Variants in WWTR1 observed in about 807,000 individuals in gnomAD.
WWTR1 encodes the protein WW domain-containing transcription regulator protein 1.
A neutral mutation model predicts 40.1 loss-of-function variants in WWTR1; 13 were observed. That is an observed-to-expected ratio of 0.32 (90% CI 0.21 to 0.52). The LOEUF (loss-of-function observed/expected upper bound fraction) is 0.52. WWTR1 is among the 20% of genes least tolerant of loss of function. The pLI, the probability that WWTR1 is intolerant of heterozygous loss-of-function variation, is 0.97. For missense variants in WWTR1, 436 were observed against 523.1 expected (o/e 0.83, Z 1.63); for synonymous variants, 230 against 210.1 (o/e 1.09, Z -0.82).
intron 1 of WWTR1, among the ~76,000 whole-genome samples, chr3:149,673,804 G>A (rs982230860): frequency 2.6e-5 from 4 of 152,032 alleles, no homozygotes; most frequent in African/African-American, 4.8e-5. Context: ...TACTTCAAAT[G>A]GTCCCTTTGT....
chr3:149,557,259 A>G (rs1736873219), intron 3 of WWTR1, among the ~76,000 whole-genome samples: 1 of 151,342 alleles, frequency 6.6e-6, no homozygotes, highest in Non-Finnish European at 1.5e-5. Flanking sequence ...TTTAATAGAG[A>G]TGGGATTTCA....
upstream of WWTR1, among the ~76,000 whole-genome samples, chr3:149,705,349 A>T (rs1715304484): frequency 6.6e-6 from 1 of 152,206 alleles, no homozygotes; most frequent in South Asian, 2.1e-4. Flanking sequence ...GAAATGTCAG[A>T]CCCTTAGAAA....
At chr3:149,635,513 A>G (rs113478663) in intron 2 of WWTR1, among the ~76,000 whole-genome samples, 48 of 151,748 alleles carry the variant, frequency 3.2e-4, no homozygotes, top group Non-Finnish European at 5.3e-4. Context: ...GAAGAAGAAG[A>G]AGGAGGAGAA....
chr3:149,530,371 GT>G (rs1735515569), intron 4 of WWTR1, among the ~76,000 whole-genome samples: 1 of 150,306 alleles, frequency 6.7e-6, no homozygotes, highest in Non-Finnish European at 1.5e-5. Flanking sequence ...AAAAATACAA[GT>G]TGAATCTGCA....
chr3:149,657,127 C>G lies in WWTR1; in HGVS notation c.180G>C (p.Ser60=), dbSNP rs970781018. The change falls in exon 2 of 7, where the codon TCG becomes TCC. Residue 60 remains serine (S), a synonymous_variant. Transcript: ENST00000360632. ...ESFFKEPDSG[S]HSRQSSTDSS... ...AGTCGGTGCTGGACTGGCGCGAGTGCGAGCCCGAATCAGGCTCCTTAAAGA... is the reference window on the plus strand; with the variant it reads ...AGTCGGTGCTGGACTGGCGCGAGTGGGAGCCCGAATCAGGCTCCTTAAAGA... 3.6e-5 allele frequency: 58 copies of G among 1,591,242 alleles called. No individual in the cohort carries two copies. Among genetic ancestry groups the G allele is most frequent in the Non-Finnish European group, 4.8e-5 (56 of 1,171,190 alleles).
upstream of WWTR1, among the ~76,000 whole-genome samples, chr3:149,659,064 A>G (rs1713439917): frequency 1.3e-5 from 2 of 151,972 alleles, no homozygotes; most frequent in South Asian, 4.1e-4. Flanking sequence ...CAGCTGCGGG[A>G]AGTAGGAGGA....
chr3:149,670,567 C>G (rs1398671059), intron 1 of WWTR1, among the ~76,000 whole-genome samples: 1 of 150,640 alleles, frequency 6.6e-6, no homozygotes, highest in Non-Finnish European at 1.5e-5. Flanking sequence ...TGGCGTGAAC[C>G]CGGGAGGCGG....
chr3:149,534,934 C>T (rs1009280967), intron 4 of WWTR1, among the ~76,000 whole-genome samples: 6 of 152,146 alleles, frequency 3.9e-5, no homozygotes, highest in African/African-American at 1.4e-4. Flanking sequence ...GGAAGCAAAC[C>T]TCAAACCTCC....
chr3:149,593,257 T>C (rs768005178), intron 2 of WWTR1, among the ~76,000 whole-genome samples: 1 of 152,198 alleles, frequency 6.6e-6, no homozygotes, highest in African/African-American at 2.4e-5. Context: ...TCAAAAGACT[T>C]GCACATACAA....
intron 1 of WWTR1, among the ~76,000 whole-genome samples, chr3:149,675,709 C>T (rs1432188359): frequency 1.3e-5 from 2 of 151,614 alleles, no homozygotes; most frequent in East Asian, 3.9e-4. Flanking sequence ...AATATTAGAA[C>T]TCAAAATTTC....
intron 1 of WWTR1, among the ~76,000 whole-genome samples, chr3:149,690,089 G>T (rs1447605933): frequency 6.6e-6 from 1 of 152,002 alleles, no homozygotes; most frequent in Non-Finnish European, 1.5e-5. Context: ...GACATTATTT[G>T]CAAGCCTCAT....
At chr3:149,628,529 A>G (rs1711497299) in intron 2 of WWTR1, among the ~76,000 whole-genome samples, 1 of 152,230 alleles carries the variant, frequency 6.6e-6, no homozygotes, top group African/African-American at 2.4e-5. Context: ...TTTGTATGAC[A>G]GGCTAATTCT....
rs114654925 is a variant in WWTR1 at position 149,573,624 on chromosome 3, G to A, written c.432-624C>T. Among the ~76,000 whole-genome samples, 535 of 152,270 alleles carry A rather than the reference G, an allele frequency of 3.5e-3. 5 individuals are homozygous for A. The highest frequency in any genetic ancestry group is 0.012 in the African/African-American group (506 of 41,546). ...AGGGTAGCTGGAAGGCAGAGTATTAGAAAATAATAGTAGGAAAGTCAACTA... is the reference window on the plus strand; with the variant it reads ...AGGGTAGCTGGAAGGCAGAGTATTAAAAAATAATAGTAGGAAAGTCAACTA... On this transcript the variant is annotated intron_variant, in intron 2 of 6. Transcript: ENST00000360632.
At chr3:149,524,868 T>G (rs758014722) in intron 6 of WWTR1, among the ~76,000 whole-genome samples, 1 of 152,228 alleles carries the variant, frequency 6.6e-6, no homozygotes, top group Non-Finnish European at 1.5e-5. Flanking sequence ...AAACAATTAC[T>G]TTCGTCAATG....
chr3:149,585,321 G>T (rs1310310892), intron 2 of WWTR1, among the ~76,000 whole-genome samples: 1 of 152,122 alleles, frequency 6.6e-6, no homozygotes, highest in Non-Finnish European at 1.5e-5. Flanking sequence ...TTTTAGTAGA[G>T]ACGGGGTTTC....
At chr3:149,707,864 G>T (rs1212627703), upstream of WWTR1, among the ~76,000 whole-genome samples, 2 of 149,184 alleles carry the variant, frequency 1.3e-5, no homozygotes, top group Admixed American at 6.8e-5. Flanking sequence ...GGAAAATTTG[G>T]TCATACCAAT....
intron 3 of WWTR1, among the ~76,000 whole-genome samples, chr3:149,562,639 A>G (rs962767853): frequency 2.7e-5 from 4 of 149,736 alleles, no homozygotes; most frequent in African/African-American, 9.9e-5. Context: ...ACACACACAC[A>G]CACACACAAA....
At chr3:149,578,726 T>A (rs1421261541) in intron 2 of WWTR1, among the ~76,000 whole-genome samples, 2 of 152,058 alleles carry the variant, frequency 1.3e-5, no homozygotes, top group African/African-American at 2.4e-5. Flanking sequence ...GGAGAAACCC[T>A]GTCTCTACTA....
At chr3:149,634,036 T>G (rs1406255725) in intron 2 of WWTR1, among the ~76,000 whole-genome samples, 1 of 151,804 alleles carries the variant, frequency 6.6e-6, no homozygotes, top group Non-Finnish European at 1.5e-5. Flanking sequence ...AGTCTACAAA[T>G]AAATGATCAC....
Sources: allele counts gnomAD v4.1 joint callset (sites outside exome capture counted in the v4.1 genomes callset), GRCh38; gene constraint gnomAD v4.1.1; transcripts MANE v1.5; gene names NCBI Gene and HGNC (gene_info 2026-07-23, HGNC 2026-07-21).